Variants in DCAF10 observed in about 807,000 individuals in gnomAD.
The protein encoded by DCAF10 is DDB1- and CUL4-associated factor 10.
DCAF10 carries 19 observed loss-of-function variants against 51.9 expected under a neutral mutation model. The observed-to-expected ratio is 0.37, with a 90% CI of 0.26 to 0.54. The LOEUF is 0.54. Among genes scored for constraint, DCAF10 ranks in the 20% least tolerant of loss-of-function variants. The pLI is 0.87. For missense variants in DCAF10, 510 were observed against 730.6 expected (o/e 0.70, Z 3.48); for synonymous variants, 291 against 297.1 (o/e 0.98, Z 0.21).
In DCAF10 at chr9:37,861,515, C is replaced by T; in HGVS notation, c.*7C>T. ...GTATCAGCCAAAGTTTTAGGCACAA[C>T]TTACATCAAATAAGGAACTCTTCTG... On this transcript the variant is annotated 3_prime_UTR_variant, in exon 7 of 7. Transcript: ENST00000377724. This position sits in a 1 kb window ranked among gnomAD's most constrained non-coding sequence, Gnocchi z 4.9. 1 of 1,598,590 alleles carries T rather than the reference C, an allele frequency of 6.3e-7. No individual in the cohort carries two copies. The highest frequency in any genetic ancestry group is 1.3e-5 in the African/African-American group (1 of 74,556).
At chr9:37,820,941 T>A (rs1829683054) in intron 2 of DCAF10, among the ~76,000 whole-genome samples, 2 of 152,150 alleles carry the variant, frequency 1.3e-5, no homozygotes, top group African/African-American at 4.8e-5. Flanking sequence ...ATGCATGTAG[T>A]ACAAAATTCA....
chr9:37,800,988 G>T lies in DCAF10; in HGVS notation c.122G>T (p.Gly41Val). Residue 41 changes from glycine (G) to valine (V), a missense_variant, in exon 1 of 7, where the codon GGG becomes GTG. Around this residue, in one of 4 missense-constraint regions of DCAF10, gnomAD observed 251 missense variants for 227.9 expected, o/e 1.10. Coordinates refer to ENST00000377724, the MANE Select transcript of DCAF10 (RefSeq NM_024345.5). ...GGGCCGCCCTCGCCACTACATCCCGGGGCTGATGCGACCCATCCCCCTCCA... is the reference window on the plus strand; with the variant it reads ...GGGCCGCCCTCGCCACTACATCCCGTGGCTGATGCGACCCATCCCCCTCCA... ...ATGPPSPLHP[G>V]ADATHPPPPA... The T allele has an allele frequency of 6.5e-7, 1 of 1,531,970 alleles. No individual in the cohort carries two copies. The highest frequency in any genetic ancestry group is 1.2e-5 in the South Asian group (1 of 82,090). 94.9% of individuals were successfully genotyped at this position (1,531,970 alleles called of 1,614,324 possible).
At chr9:37,857,473 G>A in intron 5 of DCAF10, 122 bp downstream of exon 5, 1 of 652,398 alleles carries the variant, frequency 1.5e-6, no homozygotes, top group Middle Eastern at 4.0e-4. Flanking sequence ...ATGGAGATGA[G>A]GTGATTTATC....
chr9:37,823,248 A>G (rs78173384), intron 2 of DCAF10, among the ~76,000 whole-genome samples: 2,605 of 152,322 alleles, frequency 0.017, 30 homozygotes, highest in Non-Finnish European at 0.029. Context: ...GGCCTGAGAC[A>G]TCAAATCAAA....
In DCAF10 at chr9:37,850,950, C is replaced by G. The variant is rs536394558; in HGVS notation, c.852-3830C>G. Reference sequence around the variant, plus strand: ...AATATCATGTACACCATTAAAAAAACTCATTTTTTTAGGCCTGGTGCGGTA... The same window carrying G: ...AATATCATGTACACCATTAAAAAAAGTCATTTTTTTAGGCCTGGTGCGGTA... On this transcript the variant is annotated intron_variant, in intron 3 of 6. Coordinates refer to ENST00000377724, the MANE Select transcript of DCAF10 (RefSeq NM_024345.5). Among the ~76,000 whole-genome samples, 61 of 146,520 alleles carry G rather than the reference C, an allele frequency of 4.2e-4. 1 individual carries two copies. Among genetic ancestry groups the G allele is most frequent in the African/African-American group, 1.5e-3 (59 of 39,900 alleles).
rs1455658945 is a variant in DCAF10, at chr9:37,866,928, T to C, written c.*5420T>C. ...AAAAATTCAGATAGACATAAGAGTA[T>C]TTTGGATGCCATTAAACTTTGTCAA... On this transcript the variant is annotated 3_prime_UTR_variant, in exon 7 of 7. Coordinates refer to ENST00000377724, the MANE Select transcript of DCAF10 (RefSeq NM_024345.5). The C allele has an allele frequency of 6.6e-6, 1 of 152,358 alleles. No homozygotes were observed. The highest frequency in any genetic ancestry group is 1.5e-5 in the Non-Finnish European group (1 of 68,030). 9.4% of individuals were successfully genotyped at this position (152,358 alleles called of 1,614,324 possible).
chr9:37,857,471 G>A (rs1830885846), intron 5 of DCAF10, 120 bp downstream of exon 5: 1 of 674,490 alleles, frequency 1.5e-6, no homozygotes, highest in Non-Finnish European at 2.3e-6. Context: ...CAATGGAGAT[G>A]AGGTGATTTA....
chr9:37,858,556 G>A (rs1419605691), intron 5 of DCAF10: 1 of 152,150 alleles, frequency 6.6e-6, no homozygotes, highest in Non-Finnish European at 1.5e-5. Context: ...GCAGTTCTAT[G>A]CCACAGAGAG....
chr9:37,860,185 G>A lies in DCAF10; in HGVS notation c.1303G>A (p.Asp435Asn). The change falls in exon 6 of 7, where the codon GAT (aspartate) becomes AAT (asparagine). Residue 435 changes from aspartate to asparagine, a missense_variant. This residue lies in a region of DCAF10 where 104 missense variants were observed against 206.2 expected (regional missense o/e 0.50). Coordinates refer to ENST00000377724, the MANE Select transcript of DCAF10 (RefSeq NM_024345.5). The stretch of plus-strand genomic sequence containing the variant: ...TCTTCGGTGCTCAAGCAACAGTGAT[G>A]ATGAGGAGGTACAGGCAGCAGCACT... ...TLLRCSSNSD[D>N]EECTCVYEFQ... is the part of the protein sequence containing the mutation. 1 of 1,614,110 alleles carries A rather than the reference G, an allele frequency of 6.2e-7. No individual in the cohort carries two copies. The highest frequency in any genetic ancestry group is 8.5e-7 in the Non-Finnish European group (1 of 1,179,996).
At position 37,849,509 on chromosome 9, in the gene DCAF10, A is replaced by C. The variant is rs1469399300; in HGVS notation, c.852-5271A>C. ...ATGCCTATAATCCCATCACTTTGGG[A>C]GGCCAAGGTGGGAGGACTGTGTGAG... On this transcript the variant is annotated intron_variant, in intron 3 of 6. Transcript: ENST00000377724. 2.0e-5 allele frequency among the ~76,000 whole-genome samples: 3 copies of C among 152,108 alleles called. No individual in the cohort carries two copies. The East Asian group carries it at 5.8e-4, about 29-fold the overall frequency.
intron 3 of DCAF10, among the ~76,000 whole-genome samples, chr9:37,843,181 CTAATTTTTTATTTTTTGTAG>C (rs1830383289): frequency 6.6e-6 from 1 of 152,112 alleles, no homozygotes; most frequent in Non-Finnish European, 1.5e-5. Context: ...CCATGCCCAC[CTAATTTTTTATTTTTTGTAG>C]AGACGGGGTC....
intron 2 of DCAF10, among the ~76,000 whole-genome samples, chr9:37,831,484 A>G (rs1830005042): frequency 1.3e-5 from 2 of 152,210 alleles, no homozygotes; most frequent in South Asian, 4.1e-4. Context: ...GCTGGAATTC[A>G]TACTCAGTTC....
intron 2 of DCAF10, among the ~76,000 whole-genome samples, chr9:37,837,478 AAAG>A (rs1255093245): frequency 1.3e-5 from 2 of 151,818 alleles, no homozygotes; most frequent in African/African-American, 4.8e-5. Flanking sequence ...AAAAAAAAGA[AAAG>A]AAAATTGTGC....
chr9:37,845,099 A>G (rs1830439311), intron 3 of DCAF10, among the ~76,000 whole-genome samples: 1 of 152,218 alleles, frequency 6.6e-6, no homozygotes, highest in African/African-American at 2.4e-5. Context: ...AGAGACTTAT[A>G]AACTCACTTT....
rs1831041683 is a variant in DCAF10 at position 37,862,358 on chromosome 9, C to A, written c.*850C>A. On this transcript the variant is annotated 3_prime_UTR_variant, in exon 7 of 7. Transcript: ENST00000377724. ...TTTTAAAATTAGATTAGTATAATAT[C>A]TGGCCATAGAGTGATAAGAACAATA... The A allele has an allele frequency of 6.6e-6, 1 of 152,384 alleles. No individual in the cohort carries two copies. The highest frequency in any genetic ancestry group is 1.5e-5 in the Non-Finnish European group (1 of 68,030). 9.4% of individuals were successfully genotyped at this position (152,384 alleles called of 1,614,324 possible). A position where few individuals can be genotyped will look rare whatever the true frequency, so the allele number is the denominator to read the frequency against.
At chr9:37,858,868 A>G (rs1203991849) in intron 5 of DCAF10, among the ~76,000 whole-genome samples, 1 of 152,182 alleles carries the variant, frequency 6.6e-6, no homozygotes, top group East Asian at 1.9e-4. Flanking sequence ...CTGGTTCAAG[A>G]AAAATTAGGG....
intron 3 of DCAF10, among the ~76,000 whole-genome samples, chr9:37,850,360 C>A (rs918085212): frequency 1.3e-5 from 2 of 152,054 alleles, no homozygotes; most frequent in African/African-American, 4.8e-5. Context: ...TTCACAGTAG[C>A]CACGATATGG....
At chr9:37,820,824 A>G (rs1829679752) in intron 2 of DCAF10, among the ~76,000 whole-genome samples, 1 of 152,172 alleles carries the variant, frequency 6.6e-6, no homozygotes, top group South Asian at 2.1e-4. Flanking sequence ...TAACAAAATC[A>G]GCCACCAAAA....
At chr9:37,808,039 A>G (rs1829175232) in intron 1 of DCAF10, among the ~76,000 whole-genome samples, 2 of 152,116 alleles carry the variant, frequency 1.3e-5, no homozygotes, top group South Asian at 4.1e-4. Context: ...CAAACACACA[A>G]GGAACAGTTA....
Sources: allele counts gnomAD v4.1 joint callset (sites outside exome capture counted in the v4.1 genomes callset), GRCh38; gene constraint gnomAD v4.1.1; regional missense constraint gnomAD v4.1.1; non-coding constraint Gnocchi (gnomAD v3.1); transcripts MANE v1.5; gene names NCBI Gene and HGNC (gene_info 2026-07-23, HGNC 2026-07-21).